The following CDC40 variants were observed in gnomAD, a reference collection of about 807,000 sequenced individuals.
The protein encoded by CDC40 is cell division cycle 40, also known as pre-mRNA-processing factor 17.
In CDC40, 27 loss-of-function variants were observed where a neutral mutation model predicts 80.6. The ratio of observed to expected loss-of-function variants is 0.33; its 90% CI spans 0.25 to 0.46. The LOEUF is 0.46. Ranked by LOEUF, CDC40 falls within the 20% of genes least tolerant of loss-of-function variation. CDC40 has a pLI of 1.00. For missense variants in CDC40, 486 were observed against 694.1 expected (o/e 0.70, Z 3.37); for synonymous variants, 221 against 232.6 (o/e 0.95, Z 0.45).
rs910162069 is a variant in CDC40 at position 110,209,250 on chromosome 6, A to G, written c.630+27A>G. 3.8e-6 allele frequency: 6 copies of G among 1,592,802 alleles called. 1 individual carries two copies. In the South Asian group the frequency reaches 4.4e-5, roughly 12 times the overall value. On this transcript the variant is annotated intron_variant, in intron 5 of 14. Transcript: ENST00000307731. ...TAAGCTTTGATGTTTTTAATTGTCA[A>G]TTCAGGTATACGCTGTATCTCTATG...
At chr6:110,201,423 A>T in intron 2 of CDC40, 135 bp from the exon 3 acceptor site, 2 of 570,436 alleles carry the variant, frequency 3.5e-6, no homozygotes, top group Non-Finnish European at 5.9e-6. Context: ...ACTGAACCGT[A>T]TCAGGCTAAT....
At chr6:110,200,394 A>T (rs1006041537) in intron 2 of CDC40, among the ~76,000 whole-genome samples, 2 of 152,162 alleles carry the variant, frequency 1.3e-5, no homozygotes, top group Admixed American at 1.3e-4. Context: ...AATGGTAATG[A>T]CCTACAATGT....
chr6:110,227,164 A>C (rs1027508156), intron 13 of CDC40, among the ~76,000 whole-genome samples: 8 of 152,248 alleles, frequency 5.3e-5, no homozygotes, highest in African/African-American at 1.9e-4. Flanking sequence ...AATATTGTTT[A>C]ATCCATTGTC....
chr6:110,204,522 T>G (rs1011743348), intron 3 of CDC40, among the ~76,000 whole-genome samples: 1 of 152,176 alleles, frequency 6.6e-6, no homozygotes, highest in African/African-American at 2.4e-5. Flanking sequence ...TATTTTATAC[T>G]ATTTTCTTAA....
intron 5 of CDC40, among the ~76,000 whole-genome samples, chr6:110,209,644 A>C (rs1303927104): frequency 6.6e-6 from 1 of 152,148 alleles, no homozygotes; most frequent in Non-Finnish European, 1.5e-5. Context: ...TATATATCTT[A>C]AAAACTACTA....
chr6:110,215,374 T>G, intron 9 of CDC40, 43 bp downstream of exon 9: 1 of 1,476,026 alleles, frequency 6.8e-7, no homozygotes, highest in Non-Finnish European at 9.5e-7. Context: ...GGAAGAATTT[T>G]TAAAGTAAGA....
chr6:110,183,480 C>T (rs1777226501), intron 1 of CDC40, among the ~76,000 whole-genome samples: 1 of 152,122 alleles, frequency 6.6e-6, no homozygotes, highest in African/African-American at 2.4e-5. Context: ...GGAAAGGCTG[C>T]GTAAGGTACC....
Position 110,207,565 on chromosome 6 carries a change from G to C in CDC40, c.466G>C (p.Val156Leu). The change falls in exon 4 of 15, where the codon GTA becomes CTA. Residue 156 changes from valine to leucine, a missense_variant. Physicochemically the swap from Val to Leu is conservative, Grantham distance 32 (BLOSUM62 1). Around this residue, in one of 3 missense-constraint regions of CDC40, gnomAD observed 381 missense variants for 492.1 expected, o/e 0.77. Transcript: ENST00000307731. ...HQVSAKYIGSVEEAEKNQGLT... is the reference protein window; with the variant it reads ...HQVSAKYIGSLEEAEKNQGLT... ...AGTGTCTGCTAAATATATTGGTTCT[G>C]TAGAAGAAGCTGAAAAAAATCAAGG... The C allele has an allele frequency of 2.5e-6, 4 of 1,589,720 alleles. No individual in the cohort carries two copies. The highest frequency in any genetic ancestry group is 3.5e-6 in the Non-Finnish European group (4 of 1,158,430).
intron 1 of CDC40, among the ~76,000 whole-genome samples, chr6:110,189,401 C>G (rs1222199307): frequency 3.3e-5 from 5 of 152,204 alleles, no homozygotes; most frequent in African/African-American, 1.2e-4. Context: ...ATAGTAGGCA[C>G]ACAATCAAAA....
intron 12 of CDC40, 109 bp downstream of exon 12, chr6:110,219,978 C>A: frequency 8.7e-7 from 1 of 1,151,996 alleles, no homozygotes; most frequent in Non-Finnish European, 1.2e-6. Flanking sequence ...TTTTTTGCAA[C>A]TGTGATCCTG....
rs149905386 is a variant in CDC40, at chr6:110,189,719, C to T, written c.190-3463C>T. Among the ~76,000 whole-genome samples the T allele has an allele frequency of 1.8e-3, 275 of 152,314 alleles. 1 individual carries two copies. The highest frequency in any genetic ancestry group is 6.0e-3 in the African/African-American group (251 of 41,556). On this transcript the variant is annotated intron_variant, in intron 1 of 14. Transcript: ENST00000307731. The stretch of plus-strand genomic sequence containing the variant: ...CTGCCATCACCTGCCTTCTAGCCTA[C>T]GATTGACCACATCTTTGACTTAGTC...
At chr6:110,216,922 C>T (rs1334658756) in intron 9 of CDC40, among the ~76,000 whole-genome samples, 2 of 152,048 alleles carry the variant, frequency 1.3e-5, no homozygotes, top group Non-Finnish European at 2.9e-5. Flanking sequence ...GCCTGGGCAA[C>T]ATGGCAAAAC....
At chr6:110,213,365 T>G (rs967306739) in intron 8 of CDC40, among the ~76,000 whole-genome samples, 2 of 152,018 alleles carry the variant, frequency 1.3e-5, no homozygotes, top group Non-Finnish European at 1.5e-5. Context: ...GGCCCCTTTT[T>G]TTGTTGTTGT....
chr6:110,181,671 GTCTT>G (rs1329883626), intron 1 of CDC40, among the ~76,000 whole-genome samples: 2 of 152,174 alleles, frequency 1.3e-5, no homozygotes, highest in African/African-American at 2.4e-5. Flanking sequence ...AACCTCCTGA[GTCTT>G]CTCCTTTCAC....
chr6:110,206,369 C>T (rs1186184089), intron 3 of CDC40, among the ~76,000 whole-genome samples: 1 of 152,146 alleles, frequency 6.6e-6, no homozygotes, highest in African/African-American at 2.4e-5. Context: ...ATTCTATTAT[C>T]GTACACATGA....
rs559751620 is a variant in CDC40, at chr6:110,213,088, C to T, written c.870C>T (p.Gly290=). The change falls in exon 8 of 15, where the codon GGC becomes GGT. Residue 290 remains glycine, a splice_region_variant and synonymous_variant. Transcript: ENST00000307731. ...QIHVWSGHTK[G]VSAVRLFPLS... ...ATAACTGTAATACCTTTTTATAGGG[C>T]GTCAGTGCAGTCAGATTGTTTCCTC... 1.0e-5 allele frequency: 16 copies of T among 1,598,522 alleles called. No individual in the cohort carries two copies. The highest frequency in any genetic ancestry group is 5.3e-5 in the African/African-American group (4 of 74,770).
chr6:110,228,710 T>A, intron 13 of CDC40, 122 bp from the exon 14 acceptor site: 1 of 666,680 alleles, frequency 1.5e-6, no homozygotes. Context: ...AAATTTATTT[T>A]TTAGTATTAT....
In CDC40 at chr6:110,219,660, T is replaced by A. The variant is rs866560459; in HGVS notation, c.1207-76T>A. 8.0e-6 allele frequency: 12 copies of A among 1,495,262 alleles called. No homozygotes were observed. The Middle Eastern group carries it at 2.1e-3, about 260-fold the overall frequency. The allele number at this position is 1,495,262 out of a possible 1,614,324, so 92.6% of individuals were successfully genotyped here. ...TATCGTGTTGAAGATCTTCTCCTTC[T>A]CCACTTTCCAGAATTATGGTCTTTC... On this transcript the variant is annotated intron_variant, in intron 11 of 14. Coordinates refer to ENST00000307731, the MANE Select transcript of CDC40 (RefSeq NM_015891.3).
chr6:110,182,307 A>G (rs998620794), intron 1 of CDC40, among the ~76,000 whole-genome samples: 3 of 152,188 alleles, frequency 2.0e-5, no homozygotes, highest in Non-Finnish European at 4.4e-5. Context: ...TTCCAGTTCT[A>G]TCCTCCTTGC....
Sources: gnomAD v4.1 joint callset for allele counts (sites outside exome capture counted in the v4.1 genomes callset) on GRCh38, gnomAD v4.1.1 for gene constraint, gnomAD v4.1.1 regional missense constraint, MANE v1.5 for transcripts, NCBI Gene and HGNC (gene_info 2026-07-23, HGNC 2026-07-21) for gene names.